Variants in KLHL28 observed in about 807,000 individuals in gnomAD.
KLHL28 encodes the protein kelch like family member 28.
Under a neutral mutation model 48.3 loss-of-function variants are expected in KLHL28, and 22 were observed. The observed-to-expected ratio is 0.46, with a 90% CI of 0.33 to 0.65. KLHL28 has a LOEUF of 0.65. Ranked by LOEUF, KLHL28 falls within the 30% of genes least tolerant of loss-of-function variation. KLHL28 has a pLI of 0.03. For synonymous variants in KLHL28, 243 were observed against 242.4 expected, an observed-to-expected ratio of 1.00 and a Z score of -0.02; for missense variants, 527 against 704.3, an observed-to-expected ratio of 0.75 and a Z score of 2.85.
chr14:44,960,899 A>G, intron 1 of KLHL28: 1 of 1,540,004 alleles, frequency 6.5e-7, no homozygotes, highest in Non-Finnish European at 8.8e-7. Context: ...GGTACAGAGC[A>G]GGGTAGGAAT....
At position 44,932,513 on chromosome 14, in the gene KLHL28, G is replaced by C. The variant is rs912160459; in HGVS notation, c.1344-972C>G. Among the ~76,000 whole-genome samples the C allele has an allele frequency of 4.6e-5, 7 of 152,290 alleles. 1 individual carries two copies. The highest frequency in any genetic ancestry group is 1.7e-4 in the African/African-American group (7 of 41,566). On this transcript the variant is annotated intron_variant, in intron 3 of 4. Coordinates refer to ENST00000396128, the MANE Select transcript of KLHL28 (RefSeq NM_017658.5). The stretch of plus-strand genomic sequence containing the variant: ...ATTCTAGCAGCTGTTTAAGACTATG[G>C]TTTCCTCTGAAGGTGCACAAAGGCA...
At chr14:44,936,504 T>C (rs998819327) in intron 2 of KLHL28, among the ~76,000 whole-genome samples, 1 of 152,122 alleles carries the variant, frequency 6.6e-6, no homozygotes, top group African/African-American at 2.4e-5. Context: ...GTTGCTTCCA[T>C]CTTTTCAGTA....
At chr14:44,933,368 T>A (rs536774459) in intron 3 of KLHL28, among the ~76,000 whole-genome samples, 65 of 151,120 alleles carry the variant, frequency 4.3e-4, no homozygotes, top group Non-Finnish European at 8.0e-4. Flanking sequence ...TGGAGTGTAG[T>A]AGTGCATTCA....
intron 3 of KLHL28, among the ~76,000 whole-genome samples, chr14:44,933,463 A>C (rs2138588057): frequency 6.6e-6 from 1 of 152,182 alleles, no homozygotes; most frequent in East Asian, 1.9e-4. Flanking sequence ...GGCGTGAACC[A>C]CCACACCTGG....
At position 44,934,172 on chromosome 14, in the gene KLHL28, G is replaced by A. The variant is rs778837162; in HGVS notation, c.1286C>T (p.Ala429Val). ...GGCATATATCATTCCATCCAATACC[G>A]CTGCAGCAAAACAACTTCTTGTTGT... ...MTTTRSCFAA[A>V]VLDGMIYAIG... Residue 429 changes from alanine to valine, a missense_variant, in exon 3 of 5, where the codon GCG (alanine) becomes GTG (valine). Transcript: ENST00000396128. 2.2e-5 allele frequency: 36 copies of A among 1,613,974 alleles called. No individual in the cohort carries two copies. The highest frequency in any genetic ancestry group is 3.1e-5 in the Non-Finnish European group (36 of 1,179,996).
intron 3 of KLHL28, among the ~76,000 whole-genome samples, chr14:44,933,619 A>G (rs1349796134): frequency 6.6e-6 from 1 of 152,190 alleles, no homozygotes; most frequent in African/African-American, 2.4e-5. Context: ...CAGATATCAC[A>G]AATTCAAACT....
intron 2 of KLHL28, among the ~76,000 whole-genome samples, chr14:44,938,363 G>A (rs1883912600): frequency 6.7e-6 from 1 of 150,166 alleles, no homozygotes. Flanking sequence ...ACCCAACAAG[G>A]AAAACATTGT....
intron 1 of KLHL28, among the ~76,000 whole-genome samples, chr14:44,951,442 C>T (rs972967185): frequency 5.9e-5 from 9 of 152,178 alleles, no homozygotes; most frequent in Admixed American, 4.6e-4. Flanking sequence ...ACTTATGCCC[C>T]TATAATACTG....
rs1883398299 is a variant in KLHL28, at chr14:44,927,077, C to G, written c.*1951G>C. On this transcript the variant is annotated 3_prime_UTR_variant, in exon 5 of 5. Transcript: ENST00000396128. ...GCTATATATTATTATGTTATTCAGA[C>G]AAGCAACATAGAAAATACTCAGACT... is the stretch of plus-strand genomic sequence containing the variant. The G allele has an allele frequency of 6.6e-6, 1 of 152,514 alleles. No homozygotes were observed. The highest frequency in any genetic ancestry group is 2.4e-5 in the African/African-American group (1 of 41,404). 9.4% of individuals were successfully genotyped at this position (152,514 alleles called of 1,614,324 possible).
Position 44,928,935 on chromosome 14 carries a change from C to T in KLHL28, c.*93G>A, listed in dbSNP as rs1047380343. On this transcript the variant is annotated 3_prime_UTR_variant, in exon 5 of 5. Coordinates refer to ENST00000396128, the MANE Select transcript of KLHL28 (RefSeq NM_017658.5). ...ATGCTACTTCAAGTTAAAAAGAAAG[C>T]AATGCAGCTTGTGGGTTTCAGAAAA... 2 of 1,127,222 alleles carry T rather than the reference C, an allele frequency of 1.8e-6. No homozygotes were observed. Among genetic ancestry groups the T allele is most frequent in the Non-Finnish European group, 2.5e-6 (2 of 787,486 alleles). The allele number at this position is 1,127,222 out of a possible 1,614,324, so 69.8% of individuals were successfully genotyped here. A position where few individuals can be genotyped will look rare whatever the true frequency, so the allele number is the denominator to read the frequency against.
At chr14:44,931,225 C>A in intron 4 of KLHL28, 108 bp downstream of exon 4, 1,099 of 325,404 alleles carry the variant, frequency 3.4e-3, no homozygotes, top group East Asian at 4.1e-3. Context: ...TTTTTTTTTT[C>A]TGGACAAGTA....
At chr14:44,948,217 G>C (rs1409929923) in intron 1 of KLHL28, among the ~76,000 whole-genome samples, 2 of 152,148 alleles carry the variant, frequency 1.3e-5, no homozygotes, top group Admixed American at 1.3e-4. Flanking sequence ...TGCAGAATGA[G>C]ATCATAATAA....
rs1412751788 is a variant in KLHL28 at position 44,934,504 on chromosome 14, G to A, written c.954C>T (p.Asn318=). The change falls in exon 3 of 5, where the codon AAC becomes AAT. Residue 318 remains asparagine (N), a synonymous_variant. Coordinates refer to ENST00000396128, the MANE Select transcript of KLHL28 (RefSeq NM_017658.5). Reference sequence around the variant, plus strand: ...ATATTCCAAATTCATAGCGAGGAATGTTTAGGGGTGCCAAACCAATCCAAG... The same window carrying A: ...ATATTCCAAATTCATAGCGAGGAATATTTAGGGGTGCCAAACCAATCCAAG... ...NDSWIGLAPL[N]IPRYEFGICV... The A allele has an allele frequency of 2.2e-5, 35 of 1,612,708 alleles. No homozygotes were observed. Among genetic ancestry groups the A allele is most frequent in the Non-Finnish European group, 2.9e-5 (34 of 1,179,376 alleles).
At chr14:44,955,264 CAT>C (rs1208941432) in intron 1 of KLHL28, among the ~76,000 whole-genome samples, 1 of 151,196 alleles carries the variant, frequency 6.6e-6, no homozygotes, top group Non-Finnish European at 1.5e-5. Context: ...ACATAAAATA[CAT>C]GTGAGCTATA....
chr14:44,947,714 A>T (rs1194135445), intron 1 of KLHL28, among the ~76,000 whole-genome samples: 2 of 152,224 alleles, frequency 1.3e-5, no homozygotes. Flanking sequence ...CCAACTCTTG[A>T]AATTTTTATC....
chr14:44,934,235 G>C lies in KLHL28; in HGVS notation c.1223C>G (p.Pro408Arg), dbSNP rs772544177. Residue 408 changes from proline to arginine, a missense_variant, in exon 3 of 5, where the codon CCC becomes CGC. Coordinates refer to ENST00000396128, the MANE Select transcript of KLHL28 (RefSeq NM_017658.5). Reference sequence around the variant, plus strand: ...CACAGGTTGCCATTTTCTTATTTTGGGAATGTACTTCTCTACAGATTGTAA... The same window carrying C: ...CACAGGTTGCCATTTTCTTATTTTGCGAATGTACTTCTCTACAGATTGTAA... ...SYLQSVEKYI[P>R]KIRKWQPVAP... The C allele has an allele frequency of 4.3e-6, 7 of 1,613,898 alleles. No individual in the cohort carries two copies. The highest frequency in any genetic ancestry group is 5.9e-6 in the Non-Finnish European group (7 of 1,180,000).
chr14:44,958,630 A>G (rs1267673438), intron 1 of KLHL28, among the ~76,000 whole-genome samples: 1 of 152,136 alleles, frequency 6.6e-6, no homozygotes, highest in Admixed American at 6.5e-5. Flanking sequence ...AAACAAAAGA[A>G]AAGTAAAATT....
intron 2 of KLHL28, among the ~76,000 whole-genome samples, chr14:44,937,126 TG>T (rs1419513996): frequency 4.6e-5 from 7 of 151,970 alleles, no homozygotes; most frequent in Admixed American, 2.0e-4. Context: ...AGAATTGAAT[TG>T]TTTTTTTTGT....
chr14:44,959,224 C>G (rs1884931147), intron 1 of KLHL28: 2 of 152,008 alleles, frequency 1.3e-5, no homozygotes, highest in Non-Finnish European at 2.9e-5. Flanking sequence ...TACTTTCTTC[C>G]TCTGTCCAAT....
Sources: gnomAD v4.1 joint callset for allele counts (sites outside exome capture counted in the v4.1 genomes callset) on GRCh38, gnomAD v4.1.1 for gene constraint, MANE v1.5 for transcripts, NCBI Gene and HGNC (gene_info 2026-07-23, HGNC 2026-07-21) for gene names.